The following RBFOX1 variants were observed in gnomAD, a reference collection of about 807,000 sequenced individuals.
RBFOX1 encodes the protein RNA binding fox-1 homolog 1, also known as RNA binding protein fox-1 homolog 1.
Under a neutral mutation model 57.7 loss-of-function variants are expected in RBFOX1, and 8 were observed. That is an observed-to-expected ratio of 0.14 (90% CI 0.08 to 0.25). RBFOX1 has a LOEUF of 0.25. Ranked by LOEUF, RBFOX1 falls within the 10% of genes least tolerant of loss-of-function variation. The pLI is 1.00. For synonymous variants in RBFOX1, 326 were observed against 222.4 expected (o/e 1.47, Z -4.15); for missense variants, 611 against 548.5 (o/e 1.11, Z -1.14).
chr16:6,134,849 T>G (rs1010220990), intron 1 of RBFOX1, among the ~76,000 whole-genome samples: 1 of 152,106 alleles, frequency 6.6e-6, no homozygotes, highest in African/African-American at 2.4e-5. Flanking sequence ...AGGCCATTTT[T>G]TTTTTATTAT....
chr16:5,634,927 T>G (rs1322888441), intron 3 of RBFOX1, among the ~76,000 whole-genome samples: 1 of 152,226 alleles, frequency 6.6e-6, no homozygotes, highest in Non-Finnish European at 1.5e-5. Context: ...TGATTGGCTC[T>G]CCTTAGATCA....
At chr16:7,304,607 G>A (rs974790884) in intron 4 of RBFOX1, 57 of 982,996 alleles carry the variant, frequency 5.8e-5, no homozygotes, top group Non-Finnish European at 6.6e-5. Context: ...CCCGCGTTGC[G>A]ATGGAAAGGG....
rs537646653 is a variant in RBFOX1, at chr16:6,967,367, C to T, written c.-15-84690C>T. On this transcript the variant is annotated intron_variant, in intron 3 of 15. Coordinates refer to ENST00000550418, the MANE Select transcript of RBFOX1 (RefSeq NM_018723.4). ...GGGGTTGGCTCTCATGTTCCTTGAG[C>T]AGGGAAGAGATTAGAGGGAGCTGAA... 5.3e-5 allele frequency among the ~76,000 whole-genome samples: 8 copies of T among 152,244 alleles called. No homozygotes were observed. In the South Asian group the frequency reaches 1.2e-3, roughly 24 times the overall value.
chr16:5,950,909 C>A (rs933679750), intron 4 of RBFOX1, among the ~76,000 whole-genome samples: 1 of 152,092 alleles, frequency 6.6e-6, no homozygotes, highest in Non-Finnish European at 1.5e-5. Context: ...GCATCCAACC[C>A]AGGCCAGAGA....
intron 1 of RBFOX1, among the ~76,000 whole-genome samples, chr16:6,253,891 A>G (rs1481735673): frequency 2.0e-5 from 3 of 152,114 alleles, no homozygotes; most frequent in Non-Finnish European, 4.4e-5. Flanking sequence ...CCGTCACAAC[A>G]GCAATTGGAA....
Position 6,613,015 on chromosome 16 carries a change from G to A in RBFOX1, c.-63-41588G>A, listed in dbSNP as rs1268523624. On this transcript the variant is annotated intron_variant, in intron 2 of 15. Coordinates refer to ENST00000550418, the MANE Select transcript of RBFOX1 (RefSeq NM_018723.4). ...TGCCAGTCCCAGCATGTGTGTGTGT[G>A]TGTGTGTGTGTGTGTGTGTGTGTGT... Among the ~76,000 whole-genome samples, 5 of 137,100 alleles carry A rather than the reference G, an allele frequency of 3.6e-5. No individual in the cohort carries two copies. In the South Asian group the frequency reaches 1.7e-3, roughly 46 times the overall value. The allele number at this position is 137,100 out of a possible 152,430, so 89.9% of individuals were successfully genotyped here.
chr16:6,964,147 A>T (rs2153555178), intron 3 of RBFOX1, among the ~76,000 whole-genome samples: 1 of 152,198 alleles, frequency 6.6e-6, no homozygotes, highest in South Asian at 2.1e-4. Context: ...CCTCCCAAGT[A>T]GGTGAGATTA....
At chr16:7,298,296 T>TTTTTTTTTTTTG in intron 4 of RBFOX1, among the ~76,000 whole-genome samples, 1 of 148,252 alleles carries the variant, frequency 6.7e-6, no homozygotes, top group Non-Finnish European at 1.5e-5. Context: ...TTTTTTTTTT[T>TTTTTTTTTTTTG]TTTTTTTTTT....
At chr16:6,882,142 G>A (rs1003890753) in intron 3 of RBFOX1, among the ~76,000 whole-genome samples, 1 of 152,122 alleles carries the variant, frequency 6.6e-6, no homozygotes, top group Non-Finnish European at 1.5e-5. Flanking sequence ...GCTGCTGATG[G>A]TCTTAGATGC....
chr16:6,868,541 G>T (rs973890607), intron 3 of RBFOX1, among the ~76,000 whole-genome samples: 1 of 151,934 alleles, frequency 6.6e-6, no homozygotes, highest in Non-Finnish European at 1.5e-5. Context: ...GTATGATAAC[G>T]GCTCACTGCA....
chr16:7,357,613 G>A (rs1194707309), intron 4 of RBFOX1, among the ~76,000 whole-genome samples: 3 of 151,922 alleles, frequency 2.0e-5, no homozygotes, highest in African/African-American at 7.3e-5. Flanking sequence ...CATCTTCCTG[G>A]ACTCTGAACT....
intron 3 of RBFOX1, among the ~76,000 whole-genome samples, chr16:6,670,720 G>A (rs1265948724): frequency 9.2e-5 from 14 of 151,962 alleles, no homozygotes; most frequent in African/African-American, 3.1e-4. Context: ...CCTTATGGCC[G>A]GGCACGGTGG....
At chr16:6,702,841 G>T (rs186812647) in intron 3 of RBFOX1, among the ~76,000 whole-genome samples, 286 of 152,288 alleles carry the variant, frequency 1.9e-3, no homozygotes, top group African/African-American at 6.6e-3. Flanking sequence ...CATTCACATT[G>T]TTGTGCGACC....
At chr16:6,824,920 A>G (rs1603629277) in intron 3 of RBFOX1, among the ~76,000 whole-genome samples, 1 of 149,832 alleles carries the variant, frequency 6.7e-6, no homozygotes, top group African/African-American at 2.5e-5. Context: ...CCTAGAGGCA[A>G]CCATTGGTAC....
intron 4 of RBFOX1, among the ~76,000 whole-genome samples, chr16:7,119,387 A>G (rs2066613204): frequency 6.6e-6 from 1 of 152,120 alleles, no homozygotes; most frequent in East Asian, 1.9e-4. Flanking sequence ...CTAGAGATAA[A>G]AAGTACAATA....
chr16:7,626,160 T>C (rs902917804), intron 10 of RBFOX1, among the ~76,000 whole-genome samples: 2 of 152,246 alleles, frequency 1.3e-5, no homozygotes, highest in African/African-American at 4.8e-5. Context: ...GGTGTGAAAC[T>C]GCACTGCTGT....
chr16:5,338,673 C>G (rs2064959136), intron 1 of RBFOX1, among the ~76,000 whole-genome samples: 1 of 152,146 alleles, frequency 6.6e-6, no homozygotes, highest in African/African-American at 2.4e-5. Flanking sequence ...GATAGGATCT[C>G]TTTGTCACCC....
intron 4 of RBFOX1, among the ~76,000 whole-genome samples, chr16:7,318,818 G>C (rs1178914077): frequency 6.6e-6 from 1 of 152,096 alleles, no homozygotes; most frequent in Non-Finnish European, 1.5e-5. Flanking sequence ...GCGTAGAACA[G>C]GTGTGTGGTG....
chr16:6,799,197 G>A (rs2084782644), intron 3 of RBFOX1, among the ~76,000 whole-genome samples: 2 of 152,168 alleles, frequency 1.3e-5, no homozygotes, highest in East Asian at 1.9e-4. Context: ...ATGGAGGAGA[G>A]CCAGTTTACT....
Sources: allele counts gnomAD v4.1 joint callset (sites outside exome capture counted in the v4.1 genomes callset), GRCh38; gene constraint gnomAD v4.1.1; transcripts MANE v1.5; gene names NCBI Gene and HGNC (gene_info 2026-07-23, HGNC 2026-07-21).